Variants in GTF2F2 observed in about 807,000 individuals in gnomAD.
The protein encoded by GTF2F2 is general transcription factor IIF subunit 2.
Under a neutral mutation model 42.2 loss-of-function variants are expected in GTF2F2, and 23 were observed. That is an observed-to-expected ratio of 0.55 (90% confidence interval 0.39 to 0.77). The LOEUF is 0.77. Among genes scored for constraint, GTF2F2 ranks in the 30% least tolerant of loss-of-function variants. GTF2F2 has a pLI of 0.00. For synonymous variants in GTF2F2, 105 were observed against 100.8 expected, an observed-to-expected ratio of 1.04 and a Z score of -0.25; for missense variants, 261 against 287.2, an observed-to-expected ratio of 0.91 and a Z score of 0.66.
At chr13:45,222,351 G>A (rs1367718559) in intron 5 of GTF2F2, among the ~76,000 whole-genome samples, 2 of 151,948 alleles carry the variant, frequency 1.3e-5, no homozygotes, top group Non-Finnish European at 2.9e-5. Flanking sequence ...TTGTTTATTT[G>A]GGAATTTAAC....
intron 5 of GTF2F2, among the ~76,000 whole-genome samples, chr13:45,244,987 A>G (rs1875513705): frequency 2.0e-5 from 3 of 152,214 alleles, no homozygotes; most frequent in Admixed American, 6.5e-5. Context: ...GTCCGGAGAA[A>G]TGAGTTGCTC....
At chr13:45,194,690 A>G (rs1418462673) in intron 4 of GTF2F2, 3 of 871,580 alleles carry the variant, frequency 3.4e-6, no homozygotes, top group Non-Finnish European at 5.4e-6. Flanking sequence ...CGCTGGCAGC[A>G]TCGCCTGCGC....
chr13:45,144,167 G>A (rs373689753), intron 2 of GTF2F2, among the ~76,000 whole-genome samples: 6 of 152,052 alleles, frequency 3.9e-5, no homozygotes, highest in East Asian at 3.9e-4. Flanking sequence ...CAGGAGAATC[G>A]CTTGAACCCG....
chr13:45,283,518 A>G lies in GTF2F2; in HGVS notation c.707A>G (p.Lys236Arg). ...KGIHKNTWEL[K>R]PEYRHYQGEE... The stretch of plus-strand genomic sequence containing the variant: ...ATCCACAAAAACACATGGGAGCTGA[A>G]GCCAGAGTACAGACACTATCAAGGA... The change falls in exon 8 of 8, where the codon AAG (lysine) becomes AGG (arginine). Residue 236 changes from lysine to arginine, a missense_variant. Lys to Arg is a conservative substitution (Grantham distance 26). Coordinates refer to ENST00000340473, the MANE Select transcript of GTF2F2 (RefSeq NM_004128.3). 1 of 1,613,314 alleles carries G rather than the reference A, an allele frequency of 6.2e-7. No individual in the cohort carries two copies. Among genetic ancestry groups the G allele is most frequent in the Non-Finnish European group, 8.5e-7 (1 of 1,179,418 alleles).
At chr13:45,153,164 C>T (rs1227202829) in intron 4 of GTF2F2, among the ~76,000 whole-genome samples, 2 of 151,744 alleles carry the variant, frequency 1.3e-5, no homozygotes, top group Non-Finnish European at 2.9e-5. Context: ...TGCCCGCCAC[C>T]ATGCCCGGCT....
chr13:45,217,266 C>T (rs1490842229), intron 5 of GTF2F2, among the ~76,000 whole-genome samples: 2 of 148,024 alleles, frequency 1.4e-5, no homozygotes, highest in Non-Finnish European at 3.0e-5. Flanking sequence ...CCGCCACGCT[C>T]CAGCCTAGGT....
chr13:45,167,449 G>T (rs1871348616), intron 4 of GTF2F2, among the ~76,000 whole-genome samples: 1 of 144,794 alleles, frequency 6.9e-6, no homozygotes, highest in Non-Finnish European at 1.5e-5. Context: ...CCAGGCTGGA[G>T]TGCAGTGGTG....
At chr13:45,169,032 G>A (rs537270027) in intron 4 of GTF2F2, among the ~76,000 whole-genome samples, 2 of 146,508 alleles carry the variant, frequency 1.4e-5, no homozygotes, top group Non-Finnish European at 3.0e-5. Flanking sequence ...GTTTCACCCC[G>A]TTGCCCAGGC....
At chr13:45,268,806 A>T (rs1876672108) in intron 7 of GTF2F2, among the ~76,000 whole-genome samples, 1 of 152,190 alleles carries the variant, frequency 6.6e-6, no homozygotes, top group South Asian at 2.1e-4. Context: ...CATTCAGATG[A>T]TACTAGGGAA....
At chr13:45,139,539 T>A (rs1207030737) in intron 2 of GTF2F2, among the ~76,000 whole-genome samples, 2 of 152,202 alleles carry the variant, frequency 1.3e-5, no homozygotes, top group Non-Finnish European at 2.9e-5. Flanking sequence ...TTTCGGTCTC[T>A]GTTCACAATT....
At chr13:45,216,232 G>C (rs556772628) in intron 5 of GTF2F2, among the ~76,000 whole-genome samples, 7 of 152,140 alleles carry the variant, frequency 4.6e-5, no homozygotes, top group Non-Finnish European at 7.4e-5. Context: ...GGAAAAAAAA[G>C]AAGGCACTGG....
chr13:45,238,587 G>A (rs180742293), intron 5 of GTF2F2, among the ~76,000 whole-genome samples: 3 of 151,934 alleles, frequency 2.0e-5, no homozygotes, highest in South Asian at 2.1e-4. Context: ...CCGAACTTTC[G>A]AGATGAAAAG....
intron 4 of GTF2F2, among the ~76,000 whole-genome samples, chr13:45,164,277 C>CAA (rs150777733): frequency 1.7e-5 from 2 of 117,870 alleles, no homozygotes; most frequent in Admixed American, 8.7e-5. Flanking sequence ...GAGACAGTCT[C>CAA]AAAAAAAAAA....
intron 4 of GTF2F2, among the ~76,000 whole-genome samples, chr13:45,191,886 T>G (rs539176027): frequency 3.0e-4 from 45 of 152,192 alleles, no homozygotes; most frequent in Admixed American, 2.9e-3. Context: ...CTCTTTGGAT[T>G]TGATAAAAAA....
In GTF2F2 at chr13:45,267,103, C is replaced by G. The variant is rs551479337; in HGVS notation, c.487-130C>G. On this transcript the variant is annotated intron_variant, in intron 6 of 7. Transcript: ENST00000340473. ...GGTGGGGGTTGCAGTGAGCTGAGAT[C>G]ATGCCACTGCACTCCAGCCTGGGCA... 54 of 649,554 alleles carry G rather than the reference C, an allele frequency of 8.3e-5. No individual in the cohort carries two copies. The Middle Eastern group carries it at 1.8e-3, about 21-fold the overall frequency. The allele number at this position is 649,554 out of a possible 1,614,324, so 40.2% of individuals were successfully genotyped here. A position where few individuals can be genotyped will look rare whatever the true frequency, so the allele number is the denominator to read the frequency against.
intron 4 of GTF2F2, among the ~76,000 whole-genome samples, chr13:45,175,532 A>G (rs979065446): frequency 6.6e-6 from 1 of 152,152 alleles, no homozygotes; most frequent in African/African-American, 2.4e-5. Flanking sequence ...GTCCTGTAAA[A>G]CATTTTTGTT....
intron 4 of GTF2F2, among the ~76,000 whole-genome samples, chr13:45,177,608 G>C (rs1871946009): frequency 6.6e-6 from 1 of 152,094 alleles, no homozygotes; most frequent in Non-Finnish European, 1.5e-5. Flanking sequence ...GTGTTCAAAT[G>C]ACCCTTATTT....
At chr13:45,121,906 A>G (rs1351801015) in intron 1 of GTF2F2, among the ~76,000 whole-genome samples, 1 of 147,636 alleles carries the variant, frequency 6.8e-6, no homozygotes, top group African/African-American at 2.7e-5. Context: ...GAGAGTCACT[A>G]AGGAGGAGAT....
intron 5 of GTF2F2, among the ~76,000 whole-genome samples, chr13:45,246,631 G>C (rs1452224702): frequency 6.6e-6 from 1 of 152,122 alleles, no homozygotes; most frequent in African/African-American, 2.4e-5. Flanking sequence ...TTAATTCCTT[G>C]CTTCAAAAAT....
Sources: gnomAD v4.1 joint callset for allele counts (sites outside exome capture counted in the v4.1 genomes callset) on GRCh38, gnomAD v4.1.1 for gene constraint, MANE v1.5 for transcripts, NCBI Gene and HGNC (gene_info 2026-07-23, HGNC 2026-07-21) for gene names.